Variants in TTC29 observed in about 807,000 individuals in gnomAD.
TTC29 encodes the protein tetratricopeptide repeat protein 29.
A neutral mutation model predicts 58.1 loss-of-function variants in TTC29; 49 were observed. The ratio of observed to expected loss-of-function variants is 0.84; its 90% CI spans 0.67 to 1.07. The LOEUF (loss-of-function observed/expected upper bound fraction) is 1.07. Ranked by LOEUF, TTC29 falls within the 50% of genes least tolerant of loss-of-function variation. TTC29 has a pLI of 0.00. For synonymous variants in TTC29, 209 were observed against 196.8 expected, an observed-to-expected ratio of 1.06 and a Z score of -0.52; for missense variants, 582 against 555.6, an observed-to-expected ratio of 1.05 and a Z score of -0.48.
At chr4:146,940,970 T>C (rs1022164720) in intron 2 of TTC29, among the ~76,000 whole-genome samples, 1 of 152,194 alleles carries the variant, frequency 6.6e-6, no homozygotes, top group Non-Finnish European at 1.5e-5. Flanking sequence ...GAATATGGCA[T>C]GGGAGATATT....
chr4:146,888,203 C>T (rs1732119707), intron 6 of TTC29, among the ~76,000 whole-genome samples: 1 of 152,144 alleles, frequency 6.6e-6, no homozygotes, highest in Non-Finnish European at 1.5e-5. Context: ...TGCTAGACTG[C>T]TTTGTGGTAG....
intron 9 of TTC29, among the ~76,000 whole-genome samples, chr4:146,825,181 T>A (rs1727696255): frequency 6.6e-6 from 1 of 152,188 alleles, no homozygotes; most frequent in African/African-American, 2.4e-5. Flanking sequence ...CAAACTCTTT[T>A]AATTGTGAGG....
intron 11 of TTC29, among the ~76,000 whole-genome samples, chr4:146,797,483 C>T (rs1749905990): frequency 6.6e-6 from 1 of 151,778 alleles, no homozygotes; most frequent in Non-Finnish European, 1.5e-5. Context: ...CTTTATTTTG[C>T]CTATGGTTTT....
chr4:146,728,847 GTATATATATACACA>G lies in TTC29; in HGVS notation c.1331-21310_1331-21297del, dbSNP rs1451212675. Among the ~76,000 whole-genome samples the G allele has an allele frequency of 1.2e-4, 8 of 68,648 alleles. 2 individuals are homozygous for G. The highest frequency in any genetic ancestry group is 3.8e-4 in the African/African-American group (8 of 21,138). The allele number at this position is 68,648 out of a possible 152,430, so 45.0% of individuals were successfully genotyped here. ...TATACATATATATACACATATATAT[GTATATATATACACA>G]TATATATGTGTGTGTATATATATAT... On this transcript the variant is annotated intron_variant, in intron 11 of 12. Coordinates refer to ENST00000325106, the MANE Select transcript of TTC29 (RefSeq NM_031956.4).
At chr4:146,888,983 G>A (rs2150245201) in intron 6 of TTC29, among the ~76,000 whole-genome samples, 1 of 152,244 alleles carries the variant, frequency 6.6e-6, no homozygotes, top group Admixed American at 6.5e-5. Flanking sequence ...TTACTACCCA[G>A]TCTAACACAT....
At chr4:146,725,642 ATATC>A (rs1347127556) in intron 11 of TTC29, among the ~76,000 whole-genome samples, 1 of 152,196 alleles carries the variant, frequency 6.6e-6, no homozygotes, top group East Asian at 1.9e-4. Flanking sequence ...AGCCTATTTT[ATATC>A]TATCTGTCCA....
intron 4 of TTC29, among the ~76,000 whole-genome samples, chr4:146,930,642 GGA>G (rs1297313836): frequency 6.6e-6 from 1 of 152,156 alleles, no homozygotes; most frequent in Non-Finnish European, 1.5e-5. Context: ...TAGCCATAAT[GGA>G]GACTTGAAAA....
At chr4:146,854,399 C>T (rs1429784078) in intron 8 of TTC29, among the ~76,000 whole-genome samples, 1 of 152,130 alleles carries the variant, frequency 6.6e-6, no homozygotes. Flanking sequence ...ATTTGGGTTG[C>T]AATCAAAAAT....
At chr4:146,940,696 C>T (rs942019889) in intron 2 of TTC29, among the ~76,000 whole-genome samples, 6 of 152,270 alleles carry the variant, frequency 3.9e-5, no homozygotes, top group Admixed American at 2.6e-4. Context: ...GGCTATCTGC[C>T]AGAACTCACA....
At chr4:146,783,106 T>C (rs1174222305) in intron 11 of TTC29, among the ~76,000 whole-genome samples, 1 of 152,084 alleles carries the variant, frequency 6.6e-6, no homozygotes, top group Non-Finnish European at 1.5e-5. Context: ...CTTATTTAAA[T>C]TCACAAATAA....
intron 11 of TTC29, among the ~76,000 whole-genome samples, chr4:146,717,185 A>T (rs1180913661): frequency 6.6e-6 from 1 of 152,210 alleles, no homozygotes; most frequent in Non-Finnish European, 1.5e-5. Flanking sequence ...CAGTTGCAAC[A>T]TTTAGATAAT....
At chr4:146,838,891 T>C (rs1224728538) in intron 8 of TTC29, among the ~76,000 whole-genome samples, 3 of 152,028 alleles carry the variant, frequency 2.0e-5, no homozygotes, top group African/African-American at 7.2e-5. Context: ...TCTTGGCCCT[T>C]ATGTTCACTT....
chr4:146,730,549 T>C (rs1198411728), intron 11 of TTC29, among the ~76,000 whole-genome samples: 3 of 152,076 alleles, frequency 2.0e-5, no homozygotes, highest in Admixed American at 6.6e-5. Context: ...ATGGGTCACT[T>C]TAACAGTTAA....
chr4:146,776,940 G>T (rs1748144369), intron 11 of TTC29, among the ~76,000 whole-genome samples: 1 of 152,154 alleles, frequency 6.6e-6, no homozygotes, highest in Non-Finnish European at 1.5e-5. Context: ...GTTTGTACTG[G>T]TGACGGAATT....
chr4:146,849,596 T>C (rs141768382), intron 8 of TTC29, among the ~76,000 whole-genome samples: 1 of 152,266 alleles, frequency 6.6e-6, no homozygotes, highest in East Asian at 1.9e-4. Context: ...GATCAATGAT[T>C]AGAGGTAATA....
At chr4:146,876,390 T>C (rs1731256958) in intron 6 of TTC29, among the ~76,000 whole-genome samples, 1 of 152,168 alleles carries the variant, frequency 6.6e-6, no homozygotes, top group Non-Finnish European at 1.5e-5. Flanking sequence ...TGAGTCCCTA[T>C]AATAATAACA....
At chr4:146,741,004 G>A (rs980295500) in intron 11 of TTC29, among the ~76,000 whole-genome samples, 6 of 152,122 alleles carry the variant, frequency 3.9e-5, no homozygotes, top group East Asian at 1.9e-4. Flanking sequence ...TAACAGGCAC[G>A]AGCCACCGAC....
At chr4:146,719,989 C>T (rs1256263017) in intron 11 of TTC29, among the ~76,000 whole-genome samples, 1 of 151,926 alleles carries the variant, frequency 6.6e-6, no homozygotes, top group Non-Finnish European at 1.5e-5. Flanking sequence ...GTTTTCATGC[C>T]CAGTGATTGA....
chr4:146,715,499 A>C (rs540157038), intron 11 of TTC29, among the ~76,000 whole-genome samples: 1 of 152,194 alleles, frequency 6.6e-6, no homozygotes, highest in Non-Finnish European at 1.5e-5. Context: ...GTTCAGTGAA[A>C]TAAGGCAAGC....
Sources: allele counts gnomAD v4.1 joint callset (sites outside exome capture counted in the v4.1 genomes callset), GRCh38; gene constraint gnomAD v4.1.1; transcripts MANE v1.5; gene names NCBI Gene and HGNC (gene_info 2026-07-23, HGNC 2026-07-21).